The following DACH2 variants were observed in gnomAD, a reference collection of about 807,000 sequenced individuals.
DACH2 encodes dachshund family transcription factor 2.
In DACH2, 17 loss-of-function variants were observed where a neutral mutation model predicts 35.8. The ratio of observed to expected loss-of-function variants is 0.48; its 90% CI spans 0.33 to 0.71. DACH2 has a LOEUF of 0.71. Ranked by LOEUF, DACH2 falls within the 30% of genes least tolerant of loss-of-function variation. The pLI, the probability that DACH2 is intolerant of heterozygous loss-of-function variation, is 0.02. For synonymous variants in DACH2, 195 were observed against 177.3 expected (o/e 1.10, Z -0.79); for missense variants, 469 against 472.7 (o/e 0.99, Z 0.07).
chrX:86,156,845 T>C (rs1357845699), intron 1 of DACH2, among the ~76,000 whole-genome samples: 1 of 111,444 alleles, frequency 9.0e-6, no homozygotes, highest in Non-Finnish European at 1.9e-5. Flanking sequence ...CTTTCTAGTC[T>C]GTGAATAGAA....
intron 3 of DACH2, among the ~76,000 whole-genome samples, chrX:86,593,377 T>C (rs2039671320): frequency 9.3e-6 from 1 of 107,927 alleles, no homozygotes. Context: ...GATCATGATG[T>C]AATTCTTTCA....
At chrX:86,253,869 C>T (rs998825005) in intron 1 of DACH2, among the ~76,000 whole-genome samples, 1 of 111,708 alleles carries the variant, frequency 9.0e-6, no homozygotes, top group Non-Finnish European at 1.9e-5. Context: ...GCAATGATGC[C>T]AGAAAGGAAG....
chrX:86,520,528 T>A lies in DACH2; in HGVS notation c.640+6137T>A, dbSNP rs1323343785. On this transcript the variant is annotated intron_variant, in intron 3 of 11. Coordinates refer to ENST00000373125, the MANE Select transcript of DACH2 (RefSeq NM_053281.3). The stretch of plus-strand genomic sequence containing the variant: ...GCTGAAGTCTCTTACTATTATTATG[T>A]GGGAGTCTATGTCTCTTTGTAGGTC... Among the ~76,000 whole-genome samples the A allele has an allele frequency of 2.7e-5, 3 of 111,612 alleles. No individual in the cohort carries two copies. The East Asian group carries it at 8.4e-4, about 31-fold the overall frequency.
In DACH2 at chrX:86,518,335, C is replaced by T. The variant is rs746172595; in HGVS notation, c.640+3944C>T. 5.9e-3 allele frequency among the ~76,000 whole-genome samples: 655 copies of T among 111,505 alleles called. 2 individuals carry two copies. Among genetic ancestry groups the T allele is most frequent in the Non-Finnish European group, 8.8e-3 (467 of 53,097 alleles). On this transcript the variant is annotated intron_variant, in intron 3 of 11. Transcript: ENST00000373125. Reference sequence around the variant, plus strand: ...AGTTTGAAGTTGGGTAACATGATGCCTCCAGCTTTGTTCTTTTTGCTTATG... The same window carrying T: ...AGTTTGAAGTTGGGTAACATGATGCTTCCAGCTTTGTTCTTTTTGCTTATG...
intron 2 of DACH2, among the ~76,000 whole-genome samples, chrX:86,504,633 T>C (rs2038298158): frequency 1.8e-5 from 2 of 111,375 alleles, no homozygotes; most frequent in South Asian, 3.7e-4. Flanking sequence ...TGGAAGTTTT[T>C]CTTCTTATGA....
At chrX:86,292,923 C>G (rs1257899737) in intron 1 of DACH2, among the ~76,000 whole-genome samples, 3 of 102,147 alleles carry the variant, frequency 2.9e-5, no homozygotes, top group Non-Finnish European at 5.9e-5. Context: ...GTGGAGAGTT[C>G]TGTAGATGTC....
At chrX:86,495,247 A>G (rs1363716120) in intron 2 of DACH2, among the ~76,000 whole-genome samples, 2 of 107,627 alleles carry the variant, frequency 1.9e-5, no homozygotes, top group African/African-American at 6.8e-5. Context: ...TTTAGTAGAG[A>G]TGGTGTTTCA....
chrX:86,245,724 C>T (rs895773500), intron 1 of DACH2, among the ~76,000 whole-genome samples: 1 of 112,041 alleles, frequency 8.9e-6, no homozygotes, highest in South Asian at 3.7e-4. Context: ...TCAGCCCACA[C>T]AGGAGAAAGA....
chrX:86,759,510 T>C (rs1361395727), intron 7 of DACH2, among the ~76,000 whole-genome samples: 3 of 110,863 alleles, frequency 2.7e-5, no homozygotes, highest in Non-Finnish European at 5.7e-5. Context: ...TGTGTATGTG[T>C]TTACAGGTGA....
intron 3 of DACH2, among the ~76,000 whole-genome samples, chrX:86,587,535 T>C (rs921451882): frequency 9.0e-6 from 1 of 111,319 alleles, no homozygotes; most frequent in Non-Finnish European, 1.9e-5. Flanking sequence ...TTCAGTATGA[T>C]GTTGGATGTG....
chrX:86,700,535 A>C (rs1421136132), intron 5 of DACH2, among the ~76,000 whole-genome samples: 1 of 8,353 alleles, frequency 1.2e-4, no homozygotes, highest in Non-Finnish European at 2.3e-4. Context: ...AACCCCAGTT[A>C]AAAAAAAAAA....
At chrX:86,594,055 T>C (rs1426757616) in intron 3 of DACH2, among the ~76,000 whole-genome samples, 3 of 111,763 alleles carry the variant, frequency 2.7e-5, no homozygotes, top group Non-Finnish European at 5.6e-5. Context: ...ATTGTTCATT[T>C]CTTCTTGTGT....
At chrX:86,584,236 G>T (rs2039539383) in intron 3 of DACH2, among the ~76,000 whole-genome samples, 1 of 110,505 alleles carries the variant, frequency 9.0e-6, no homozygotes, top group Non-Finnish European at 1.9e-5. Context: ...TTAAGGAATT[G>T]TTCTTTTTTA....
chrX:86,335,548 C>T (rs1569354153), intron 1 of DACH2, among the ~76,000 whole-genome samples: 1 of 111,140 alleles, frequency 9.0e-6, no homozygotes, highest in Admixed American at 9.7e-5. Context: ...ATTTGGCTCT[C>T]TGTCTGTTCT....
At chrX:86,303,291 C>G (rs1276083097) in intron 1 of DACH2, among the ~76,000 whole-genome samples, 1 of 108,969 alleles carries the variant, frequency 9.2e-6, no homozygotes, top group Non-Finnish European at 1.9e-5. Flanking sequence ...GTTCATGGGT[C>G]TGTAATCTGG....
intron 11 of DACH2, chrX:86,830,132 T>C (rs2042599017): frequency 8.9e-6 from 1 of 111,855 alleles, no homozygotes. Context: ...ATGTAGGAGA[T>C]TACTTTGACA....
Position 86,254,777 on chromosome X carries a change from AATAAATAT to A in DACH2, c.488+105673_488+105680del, listed in dbSNP as rs1187453880. 5.6e-4 allele frequency among the ~76,000 whole-genome samples: 8 copies of A among 14,228 alleles called. No individual in the cohort carries two copies. In the East Asian group the frequency reaches 0.014, roughly 24 times the overall value. The allele number at this position is 14,228 out of a possible 115,157, so 12.4% of individuals were successfully genotyped here. ...AAGTGTGTGGGGTGTTATTCAAATA[AATAAATAT>A]ATATATATATATATATATATATAGA... On this transcript the variant is annotated intron_variant, in intron 1 of 11. Transcript: ENST00000373125.
chrX:86,485,721 A>G (rs768684579), intron 2 of DACH2, among the ~76,000 whole-genome samples: 49 of 111,745 alleles, frequency 4.4e-4, no homozygotes, highest in African/African-American at 1.5e-3. Context: ...AGTGATAAAT[A>G]TAAAAAAAAC....
At chrX:86,807,459 CAT>C (rs1020063172) in intron 7 of DACH2, among the ~76,000 whole-genome samples, 4 of 111,717 alleles carry the variant, frequency 3.6e-5, no homozygotes, top group African/African-American at 1.3e-4. Flanking sequence ...TTCTACAAAT[CAT>C]AGAGCAGGGA....
Sources: gnomAD v4.1 joint callset for allele counts (sites outside exome capture counted in the v4.1 genomes callset) on GRCh38, gnomAD v4.1.1 for gene constraint, MANE v1.5 for transcripts, NCBI Gene and HGNC (gene_info 2026-07-23, HGNC 2026-07-21) for gene names.